ARHGAP10: variants seen among roughly 807,000 people sequenced by gnomAD.
ARHGAP10 encodes rho GTPase-activating protein 10.
A neutral mutation model predicts 108.6 loss-of-function variants in ARHGAP10; 87 were observed. The ratio of observed to expected loss-of-function variants is 0.80; its 90% CI spans 0.67 to 0.96. The LOEUF (loss-of-function observed/expected upper bound fraction) is 0.96, where lower values mean the gene tolerates loss of function less well. Ranked by LOEUF, ARHGAP10 falls within the 40% of genes least tolerant of loss-of-function variation. The pLI, the probability that ARHGAP10 is intolerant of heterozygous loss-of-function variation, is 0.00. For missense variants in ARHGAP10, 939 were observed against 954.5 expected (o/e 0.98, Z 0.21); for synonymous variants, 347 against 341.1 (o/e 1.02, Z -0.19).
At chr4:148,000,644 T>C (rs567160158) in intron 18 of ARHGAP10, among the ~76,000 whole-genome samples, 12 of 152,340 alleles carry the variant, frequency 7.9e-5, no homozygotes, top group South Asian at 2.1e-4. Context: ...TGGTATCTCA[T>C]TGTGGTTTTG....
chr4:147,831,893 A>G (rs2126798075), intron 3 of ARHGAP10, among the ~76,000 whole-genome samples: 1 of 152,310 alleles, frequency 6.6e-6, no homozygotes, highest in East Asian at 1.9e-4. Flanking sequence ...TTTCCCTGCA[A>G]GGCCTTGCCC....
At chr4:147,881,205 G>A (rs972259026) in intron 9 of ARHGAP10, among the ~76,000 whole-genome samples, 4 of 151,974 alleles carry the variant, frequency 2.6e-5, no homozygotes, top group Non-Finnish European at 5.9e-5. Context: ...CCCAGGATTC[G>A]GAGTTTGCAG....
At chr4:147,782,334 G>A (rs1443720468) in intron 1 of ARHGAP10, among the ~76,000 whole-genome samples, 3 of 152,152 alleles carry the variant, frequency 2.0e-5, no homozygotes, top group Non-Finnish European at 4.4e-5. Flanking sequence ...GTAGTGTCAT[G>A]GAGTGCTGGT....
At chr4:147,761,745 C>T (rs1729600965) in intron 1 of ARHGAP10, among the ~76,000 whole-genome samples, 1 of 152,138 alleles carries the variant, frequency 6.6e-6, no homozygotes, top group Admixed American at 6.6e-5. Context: ...GGCTAGTTTA[C>T]CTTTCATAGT....
chr4:147,899,954 T>C (rs1034958113), intron 10 of ARHGAP10, among the ~76,000 whole-genome samples: 8 of 152,112 alleles, frequency 5.3e-5, no homozygotes, highest in African/African-American at 1.9e-4. Context: ...TTATAAGTTT[T>C]GATATCTGCT....
At chr4:148,020,816 G>T (rs1230118786) in intron 18 of ARHGAP10, among the ~76,000 whole-genome samples, 1 of 152,086 alleles carries the variant, frequency 6.6e-6, no homozygotes, top group African/African-American at 2.4e-5. Flanking sequence ...ACCCAGTAAT[G>T]GGATTGCTGG....
intron 19 of ARHGAP10, among the ~76,000 whole-genome samples, chr4:148,023,995 G>A (rs1471471800): frequency 1.3e-5 from 2 of 152,250 alleles, no homozygotes; most frequent in African/African-American, 4.8e-5. Flanking sequence ...ATGCTGTTCA[G>A]CTAATCGTTG....
intron 16 of ARHGAP10, among the ~76,000 whole-genome samples, 199 bp downstream of exon 16, chr4:147,955,573 C>G (rs1738760395): frequency 6.6e-6 from 1 of 152,082 alleles, no homozygotes; most frequent in Admixed American, 6.6e-5. Context: ...TATTCACATA[C>G]ATTAATTATT....
intron 18 of ARHGAP10, among the ~76,000 whole-genome samples, chr4:148,013,112 A>G (rs2149655795): frequency 6.6e-6 from 1 of 152,326 alleles, no homozygotes; most frequent in Non-Finnish European, 1.5e-5. Flanking sequence ...GAAGGCTGAT[A>G]CTAATCTGCC....
At chr4:147,892,904 G>A (rs549044009) in intron 10 of ARHGAP10, among the ~76,000 whole-genome samples, 2 of 152,308 alleles carry the variant, frequency 1.3e-5, no homozygotes, top group East Asian at 1.9e-4. Context: ...GTAGAGGGCA[G>A]CTGTGCTGCT....
intron 10 of ARHGAP10, among the ~76,000 whole-genome samples, chr4:147,901,034 T>G (rs1189011715): frequency 1.3e-5 from 2 of 152,234 alleles, no homozygotes; most frequent in South Asian, 2.1e-4. Flanking sequence ...CATTAAATTT[T>G]ATTAATAAAA....
chr4:147,735,514 C>T (rs531634906), intron 1 of ARHGAP10, among the ~76,000 whole-genome samples: 235 of 152,232 alleles, frequency 1.5e-3, no homozygotes, highest in Middle Eastern at 3.4e-3. Flanking sequence ...GGTGGTTTTT[C>T]AGGGAGTAGT....
intron 10 of ARHGAP10, among the ~76,000 whole-genome samples, chr4:147,901,909 T>C (rs187247568): frequency 6.6e-6 from 1 of 151,954 alleles, no homozygotes; most frequent in East Asian, 1.9e-4. Context: ...TGGAAAACTT[T>C]AGGGGAAAAC....
chr4:147,998,010 A>T (rs1022239978), intron 18 of ARHGAP10, among the ~76,000 whole-genome samples: 1 of 152,188 alleles, frequency 6.6e-6, no homozygotes, highest in Admixed American at 6.5e-5. Flanking sequence ...GCAGGGCAAA[A>T]CTTACATTCT....
At chr4:148,052,349 A>G (rs1729176943) in intron 20 of ARHGAP10, among the ~76,000 whole-genome samples, 1 of 151,442 alleles carries the variant, frequency 6.6e-6, no homozygotes, top group East Asian at 1.9e-4. Flanking sequence ...TAAAAAAAAA[A>G]AAAAAAAGAT....
chr4:147,830,814 C>G (rs906317012), intron 3 of ARHGAP10, among the ~76,000 whole-genome samples: 2 of 152,142 alleles, frequency 1.3e-5, no homozygotes, highest in Non-Finnish European at 2.9e-5. Context: ...GCCACCGCAC[C>G]CAGTTGAAAC....
In ARHGAP10 at chr4:148,039,368, A is replaced by ATT. The variant is rs34876546; in HGVS notation, c.1868-7496_1868-7495dup. Among the ~76,000 whole-genome samples, 639 of 73,090 alleles carry ATT rather than the reference A, an allele frequency of 8.7e-3. 72 individuals carry two copies. Among genetic ancestry groups the ATT allele is most frequent in the African/African-American group, 0.023 (407 of 17,672 alleles). The allele number at this position is 73,090 out of a possible 152,430, so 47.9% of individuals were successfully genotyped here. The stretch of plus-strand genomic sequence containing the variant: ...TTAATACTTTAAGAATACTACTTCA[A>ATT]TTTTTTTTTTTTTTTTTTTTTTTTT... On this transcript the variant is annotated intron_variant, in intron 19 of 22. Coordinates refer to ENST00000336498, the MANE Select transcript of ARHGAP10 (RefSeq NM_024605.4).
chr4:147,807,187 C>A (rs543751194), intron 1 of ARHGAP10, among the ~76,000 whole-genome samples: 170 of 136,282 alleles, frequency 1.2e-3, no homozygotes, highest in Admixed American at 2.3e-3. Context: ...TCTGTTCCCA[C>A]CCCCCAATTC....
At chr4:147,965,899 G>A (rs1315775220) in intron 17 of ARHGAP10, among the ~76,000 whole-genome samples, 3 of 152,192 alleles carry the variant, frequency 2.0e-5, no homozygotes, top group Non-Finnish European at 4.4e-5. Context: ...ATGATAAATA[G>A]CAAAAACACA....
Sources: allele counts gnomAD v4.1 joint callset (sites outside exome capture counted in the v4.1 genomes callset), GRCh38; gene constraint gnomAD v4.1.1; transcripts MANE v1.5; gene names NCBI Gene and HGNC (gene_info 2026-07-23, HGNC 2026-07-21).